TSPAN9: variants seen among roughly 807,000 people sequenced by gnomAD.
TSPAN9 encodes tetraspanin 9, also known as tetraspanin-9.
TSPAN9 carries 16 observed loss-of-function variants against 31.0 expected under a neutral mutation model. That is an observed-to-expected ratio of 0.52 (90% CI 0.35 to 0.78). The LOEUF (loss-of-function observed/expected upper bound fraction) is 0.78. Among genes scored for constraint, TSPAN9 ranks in the 30% least tolerant of loss-of-function variants. TSPAN9 has a pLI of 0.01. For missense variants in TSPAN9, 272 were observed against 312.5 expected (o/e 0.87, Z 0.98); for synonymous variants, 145 against 121.6 (o/e 1.19, Z -1.27).
intron 2 of TSPAN9, among the ~76,000 whole-genome samples, chr12:3,156,004 C>T (rs558407155): frequency 4.6e-5 from 7 of 152,268 alleles, no homozygotes; most frequent in East Asian, 1.9e-4. Flanking sequence ...TTAAGAGATA[C>T]GACTTGCTAG....
At position 3,276,360 on chromosome 12, in the gene TSPAN9, C is replaced by T. The variant is rs577049289; in HGVS notation, c.64-2061C>T. On this transcript the variant is annotated intron_variant, in intron 3 of 8. Coordinates refer to ENST00000011898, the MANE Select transcript of TSPAN9 (RefSeq NM_006675.5). ...GACACTTGCACGTTTCCTTTACCTG[C>T]GAGGTCCCAGCTGGCCTGGCCCCCG... 1.1e-4 allele frequency among the ~76,000 whole-genome samples: 16 copies of T among 152,338 alleles called. No individual in the cohort carries two copies. The South Asian group carries it at 2.7e-3, about 26-fold the overall frequency.
At chr12:3,266,730 C>T (rs998255796) in intron 3 of TSPAN9, among the ~76,000 whole-genome samples, 1 of 152,194 alleles carries the variant, frequency 6.6e-6, no homozygotes, top group Non-Finnish European at 1.5e-5. Context: ...GCTGAGCCAT[C>T]CCGTGTCCCC....
chr12:3,169,187 T>C (rs2098350342), intron 2 of TSPAN9, among the ~76,000 whole-genome samples: 1 of 152,192 alleles, frequency 6.6e-6, no homozygotes, highest in South Asian at 2.1e-4. Context: ...TTCAATGCTC[T>C]GTCTTCCTCC....
chr12:3,105,123 C>T (rs1336855946), intron 2 of TSPAN9, among the ~76,000 whole-genome samples: 4 of 152,222 alleles, frequency 2.6e-5, no homozygotes, highest in Non-Finnish European at 4.4e-5. Context: ...GCACAGCAGC[C>T]TCTCTGGGCC....
At chr12:3,160,817 C>A (rs1249329780) in intron 2 of TSPAN9, among the ~76,000 whole-genome samples, 2 of 152,182 alleles carry the variant, frequency 1.3e-5, no homozygotes, top group Non-Finnish European at 2.9e-5. Context: ...TGTAAGAATT[C>A]TTTACATATT....
rs368597338 is a variant in TSPAN9 at position 3,247,874 on chromosome 12, C to T, written c.64-30547C>T. 3.3e-5 allele frequency among the ~76,000 whole-genome samples: 5 copies of T among 152,330 alleles called. No homozygotes were observed. The East Asian group carries it at 9.6e-4, about 29-fold the overall frequency. ...TGAGAGGAGGAGCTCCCCCACCATC[C>T]TGCAGAAATGCTGACCCCTTGCCTG... On this transcript the variant is annotated intron_variant, in intron 3 of 8. Coordinates refer to ENST00000011898, the MANE Select transcript of TSPAN9 (RefSeq NM_006675.5).
At chr12:3,119,083 G>A (rs78461285) in intron 2 of TSPAN9, among the ~76,000 whole-genome samples, 7,097 of 152,194 alleles carry the variant, frequency 0.047, 519 homozygotes, top group African/African-American at 0.16. Context: ...CGAAGGTAGG[G>A]GAATGTTGTT....
rs1862906988 is a variant in TSPAN9 at position 3,282,117 on chromosome 12, A to C, written c.648+300A>C. ...AGTTCTGCCCAAACCTTGAGCTCAG[A>C]GAGCCATGCAAGACACACACGGTGT... is the stretch of plus-strand genomic sequence containing the variant. On this transcript the variant is annotated intron_variant, in intron 8 of 8. Transcript: ENST00000011898. 4.7e-6 allele frequency: 3 copies of C among 631,784 alleles called. No individual in the cohort carries two copies. The South Asian group carries it at 5.4e-5, about 11-fold the overall frequency. The allele number at this position is 631,784 out of a possible 1,614,324, so 39.1% of individuals were successfully genotyped here.
chr12:3,105,736 GCACA>G (rs947236535), intron 2 of TSPAN9, among the ~76,000 whole-genome samples: 6 of 148,408 alleles, frequency 4.0e-5, no homozygotes, highest in African/African-American at 9.8e-5. Context: ...GCACGCGCGT[GCACA>G]CACACACTCA....
chr12:3,112,177 C>CA (rs1491240307), intron 2 of TSPAN9, among the ~76,000 whole-genome samples: 1 of 115,642 alleles, frequency 8.6e-6, no homozygotes, highest in Admixed American at 9.4e-5. Flanking sequence ...TGTAATGTTC[C>CA]TTTTTTTTTT....
At chr12:3,102,672 C>T (rs1433728043) in intron 2 of TSPAN9, among the ~76,000 whole-genome samples, 1 of 151,984 alleles carries the variant, frequency 6.6e-6, no homozygotes, top group Non-Finnish European at 1.5e-5. Context: ...CTCCTGACCT[C>T]GTGATCCGAC....
At chr12:3,095,789 AGAG>A (rs1456952246) in intron 2 of TSPAN9, among the ~76,000 whole-genome samples, 2 of 148,024 alleles carry the variant, frequency 1.4e-5, no homozygotes, top group African/African-American at 5.0e-5. Flanking sequence ...GCGGCTGGGA[AGAG>A]GCGCTCCTCA....
intron 2 of TSPAN9, among the ~76,000 whole-genome samples, chr12:3,189,226 G>A (rs1478192809): frequency 6.6e-6 from 1 of 152,128 alleles, no homozygotes; most frequent in African/African-American, 2.4e-5. Flanking sequence ...GGGAGGCTTC[G>A]GAGGTGGAGG....
At chr12:3,208,096 C>T (rs1591677463) in intron 3 of TSPAN9, among the ~76,000 whole-genome samples, 1 of 152,192 alleles carries the variant, frequency 6.6e-6, no homozygotes, top group African/African-American at 2.4e-5. Context: ...CCTTGGACTT[C>T]GTGCGCAGGA....
chr12:3,222,332 C>T (rs1031955862), intron 3 of TSPAN9, among the ~76,000 whole-genome samples: 2 of 152,188 alleles, frequency 1.3e-5, no homozygotes, highest in Non-Finnish European at 2.9e-5. Flanking sequence ...CTTGTACTTT[C>T]AGAGTCAGGA....
intron 2 of TSPAN9, among the ~76,000 whole-genome samples, chr12:3,103,650 C>T (rs545682009): frequency 7.5e-4 from 114 of 152,310 alleles, no homozygotes; most frequent in African/African-American, 2.7e-3. Flanking sequence ...TGTCTCTTGG[C>T]TGTGACTTTG....
intron 2 of TSPAN9, among the ~76,000 whole-genome samples, chr12:3,112,155 T>C (rs2098319146): frequency 6.6e-6 from 1 of 150,978 alleles, no homozygotes; most frequent in Non-Finnish European, 1.5e-5. Context: ...TCTGAATTTC[T>C]GTGGTATCAA....
At chr12:3,221,352 A>ATTTTTTT (rs200531623) in intron 3 of TSPAN9, among the ~76,000 whole-genome samples, 2 of 131,644 alleles carry the variant, frequency 1.5e-5, no homozygotes, top group Non-Finnish European at 3.2e-5. Flanking sequence ...TATTTAAAAT[A>ATTTTTTT]TTTTTCTCTT....
At chr12:3,120,745 C>A (rs1171416203) in intron 2 of TSPAN9, among the ~76,000 whole-genome samples, 1 of 152,236 alleles carries the variant, frequency 6.6e-6, no homozygotes, top group Non-Finnish European at 1.5e-5. Context: ...GGAGCATTGC[C>A]GCTGATCAGT....
Sources: allele counts gnomAD v4.1 joint callset (sites outside exome capture counted in the v4.1 genomes callset), GRCh38; gene constraint gnomAD v4.1.1; transcripts MANE v1.5; gene names NCBI Gene and HGNC (gene_info 2026-07-23, HGNC 2026-07-21).